Variants in ADCY10 observed in about 807,000 individuals in gnomAD.
ADCY10 encodes adenylate cyclase type 10.
Under a neutral mutation model 183.3 loss-of-function variants are expected in ADCY10, and 156 were observed. The ratio of observed to expected loss-of-function variants is 0.85; its 90% CI spans 0.75 to 0.97. The LOEUF (loss-of-function observed/expected upper bound fraction) is 0.97, where lower values mean the gene tolerates loss of function less well. Ranked by LOEUF, ADCY10 falls within the 50% of genes least tolerant of loss-of-function variation. The pLI, the probability that ADCY10 is intolerant of heterozygous loss-of-function variation, is 0.00. For synonymous variants in ADCY10, 645 were observed against 670.0 expected (o/e 0.96, Z 0.58); for missense variants, 1,745 against 1,934.3 (o/e 0.90, Z 1.84).
Position 167,890,003 on chromosome 1 carries a change from C to T in ADCY10, c.828+3850G>A, listed in dbSNP as rs1001086059. Among the ~76,000 whole-genome samples the T allele has an allele frequency of 3.6e-4, 55 of 152,188 alleles. 1 individual carries two copies. The highest frequency in any genetic ancestry group is 1.1e-3 in the African/African-American group (45 of 41,538). Reference sequence around the variant, plus strand: ...TTGAATTTCTTTGAGTTTCCTCAAACAGCTTTTTTGAATTACCTGTCTGAA... The same window carrying T: ...TTGAATTTCTTTGAGTTTCCTCAAATAGCTTTTTTGAATTACCTGTCTGAA... On this transcript the variant is annotated intron_variant, in intron 8 of 32. Coordinates refer to ENST00000367851, the MANE Select transcript of ADCY10 (RefSeq NM_018417.6).
At chr1:167,869,487 G>C (rs1666937085) in intron 14 of ADCY10, among the ~76,000 whole-genome samples, 1 of 152,206 alleles carries the variant, frequency 6.6e-6, no homozygotes, top group African/African-American at 2.4e-5. Context: ...GAAAAGGACA[G>C]AGAAGCGAAA....
At chr1:167,822,215 T>C in intron 29 of ADCY10, 74 bp from the exon 30 acceptor site, 1 of 1,020,118 alleles carries the variant, frequency 9.8e-7, no homozygotes, top group South Asian at 1.3e-5. Flanking sequence ...TCACTCTCAG[T>C]TGAATTTCCC....
chr1:167,897,727 G>GT (rs376533656), intron 6 of ADCY10, among the ~76,000 whole-genome samples: 1,158 of 1,158 alleles, frequency 1, 579 homozygotes, highest in Non-Finnish European at 1. Context: ...CGGGCGCCAG[G>GT]GGCTCACGCC....
chr1:167,809,389 A>C lies in ADCY10; in HGVS notation c.*289T>G. 2.7e-6 allele frequency: 1 copy of C among 375,078 alleles called. No homozygotes were observed. The highest frequency in any genetic ancestry group is 4.9e-6 in the Non-Finnish European group (1 of 203,862). The allele number at this position is 375,078 out of a possible 1,614,324, so 23.2% of individuals were successfully genotyped here. ...CAACACACGATGTCATACCATCTTG[A>C]GATTAATAATTTGTAATATGATACA... On this transcript the variant is annotated 3_prime_UTR_variant, in exon 33 of 33. Transcript: ENST00000367851.
chr1:167,897,718 G>A (rs1348014249), intron 6 of ADCY10, among the ~76,000 whole-genome samples: 4 of 8 alleles, frequency 0.5, no homozygotes, highest in African/African-American at 0.5. Flanking sequence ...CAACAAGGCC[G>A]GGCGCCAGGG....
intron 8 of ADCY10, among the ~76,000 whole-genome samples, chr1:167,883,982 T>C (rs1434795824): frequency 6.6e-6 from 1 of 152,228 alleles, no homozygotes; most frequent in East Asian, 1.9e-4. Context: ...TGTAGGTCTA[T>C]AGTAGATGTA....
rs145121102 is a variant in ADCY10, at chr1:167,898,188, G to C, written c.642+1235C>G. Among the ~76,000 whole-genome samples, 1,265 of 151,672 alleles carry C rather than the reference G, an allele frequency of 8.3e-3. 73 individuals carry two copies. Among genetic ancestry groups the C allele is most frequent in the Admixed American group, 0.077 (1,176 of 15,206 alleles). On this transcript the variant is annotated intron_variant, in intron 6 of 32. Transcript: ENST00000367851. ...TGACTATTGCAGTCTTGTTATGAAA[G>C]ATGTTAACATTAGGGGAAGGTAGGT...
chr1:167,847,274 T>C (rs1665112567), intron 19 of ADCY10, among the ~76,000 whole-genome samples: 1 of 152,180 alleles, frequency 6.6e-6, no homozygotes, highest in Non-Finnish European at 1.5e-5. Flanking sequence ...TTTTGAAGAC[T>C]GAGGACCTTG....
intron 26 of ADCY10, among the ~76,000 whole-genome samples, chr1:167,828,531 A>T (rs1163188134): frequency 6.6e-6 from 1 of 152,242 alleles, no homozygotes; most frequent in Non-Finnish European, 1.5e-5. Context: ...GTTGTCTTCT[A>T]AGAAGCCAGA....
intron 9 of ADCY10, among the ~76,000 whole-genome samples, chr1:167,882,813 A>G (rs1667961591): frequency 6.6e-6 from 1 of 152,152 alleles, no homozygotes; most frequent in Non-Finnish European, 1.5e-5. Flanking sequence ...TGATGATCAT[A>G]AGCAAAACGT....
At position 167,815,504 on chromosome 1, in the gene ADCY10, T is replaced by C. The variant is rs148765765; in HGVS notation, c.4482+2568A>G. ...TTGTGAAGTTCTTAGTCCAGAGGAA[T>C]AGGCTCACTAAAAGACTGAGACCTA... is the stretch of plus-strand genomic sequence containing the variant. On this transcript the variant is annotated intron_variant, in intron 31 of 32. Coordinates refer to ENST00000367851, the MANE Select transcript of ADCY10 (RefSeq NM_018417.6). Among the ~76,000 whole-genome samples, 78 of 152,302 alleles carry C rather than the reference T, an allele frequency of 5.1e-4. No individual in the cohort carries two copies. The East Asian group carries it at 0.012, about 24-fold the overall frequency.
In ADCY10 at chr1:167,859,865, A is replaced by G; in HGVS notation, c.1838T>C (p.Met613Thr). 1.9e-6 allele frequency: 3 copies of G among 1,613,090 alleles called. No individual in the cohort carries two copies. The highest frequency in any genetic ancestry group is 2.5e-6 in the Non-Finnish European group (3 of 1,179,050). The change falls in exon 16 of 33, where the codon ATG becomes ACG. Residue 613 changes from methionine to threonine, a missense_variant. Met to Thr is a moderately conservative substitution (Grantham distance 81). Transcript: ENST00000367851. ...QFPISREISR[M>T]STLKKQKQLE... Reference sequence around the variant, plus strand: ...TTGTTTTTGCTTTTTCAAGGTGCTCATCCTGGAAATCTCCCGAGAAATAGG... The same window carrying G: ...TTGTTTTTGCTTTTTCAAGGTGCTCGTCCTGGAAATCTCCCGAGAAATAGG...
At chr1:167,814,656 A>G (rs1662415446) in intron 31 of ADCY10, among the ~76,000 whole-genome samples, 1 of 152,168 alleles carries the variant, frequency 6.6e-6, no homozygotes, top group Admixed American at 6.5e-5. Context: ...AACCAACTAA[A>G]TATAACAAAC....
At chr1:167,864,767 TTTG>T (rs1666561753) in intron 14 of ADCY10, among the ~76,000 whole-genome samples, 1 of 152,206 alleles carries the variant, frequency 6.6e-6, no homozygotes, top group Non-Finnish European at 1.5e-5. Context: ...CTAATACCAC[TTTG>T]TTGTTAGTGT....
intron 8 of ADCY10, among the ~76,000 whole-genome samples, chr1:167,891,279 C>T (rs1316781748): frequency 1.3e-5 from 2 of 151,980 alleles, no homozygotes; most frequent in African/African-American, 4.8e-5. Flanking sequence ...TTTAATCTGC[C>T]ACACTCTCCT....
At chr1:167,877,980 G>A (rs1667595290) in intron 12 of ADCY10, among the ~76,000 whole-genome samples, 1 of 152,164 alleles carries the variant, frequency 6.6e-6, no homozygotes, top group Non-Finnish European at 1.5e-5. Context: ...GCCATTGAAG[G>A]ATTTTAAGCT....
At chr1:167,850,853 T>C (rs2101994688) in intron 18 of ADCY10, among the ~76,000 whole-genome samples, 2 of 152,250 alleles carry the variant, frequency 1.3e-5, no homozygotes, top group Middle Eastern at 6.8e-3. Flanking sequence ...GCTAGGAATT[T>C]TCCTAGGATT....
chr1:167,845,875 T>C (rs756204350), intron 20 of ADCY10, 22 bp from the exon 21 acceptor site: 1 of 1,614,102 alleles, frequency 6.2e-7, no homozygotes, highest in Non-Finnish European at 8.5e-7. Context: ...AAAAAGGGTT[T>C]TTCAGCCAGG....
intron 1 of ADCY10, among the ~76,000 whole-genome samples, chr1:167,906,756 T>G (rs966560896): frequency 1.3e-5 from 2 of 152,092 alleles, no homozygotes; most frequent in Non-Finnish European, 2.9e-5. Context: ...GTCACTGCAC[T>G]CTATCCTAGG....
Sources: gnomAD v4.1 joint callset for allele counts (sites outside exome capture counted in the v4.1 genomes callset) on GRCh38, gnomAD v4.1.1 for gene constraint, MANE v1.5 for transcripts, NCBI Gene and HGNC (gene_info 2026-07-23, HGNC 2026-07-21) for gene names.